The following BRINP3 variants were observed in gnomAD, a reference collection of about 807,000 sequenced individuals.
BRINP3 encodes BMP/retinoic acid inducible neural specific 3.
BRINP3 carries 19 observed loss-of-function variants against 71.0 expected under a neutral mutation model. The ratio of observed to expected loss-of-function variants is 0.27; its 90% CI spans 0.19 to 0.39. BRINP3 has a LOEUF of 0.39. BRINP3 is among the 10% of genes least tolerant of loss of function. The pLI, the probability that BRINP3 is intolerant of heterozygous loss-of-function variation, is 1.00. For missense variants in BRINP3, 959 were observed against 940.8 expected (o/e 1.02, Z -0.25); for synonymous variants, 380 against 337.7 (o/e 1.13, Z -1.37).
intron 2 of BRINP3, among the ~76,000 whole-genome samples, chr1:190,325,652 A>T (rs1481654585): frequency 6.6e-6 from 1 of 152,104 alleles, no homozygotes; most frequent in Admixed American, 6.6e-5. Context: ...GACAATATTA[A>T]AATATTTAGG....
chr1:190,375,024 T>C (rs1340434197), intron 2 of BRINP3, among the ~76,000 whole-genome samples: 3 of 151,982 alleles, frequency 2.0e-5, no homozygotes, highest in African/African-American at 7.2e-5. Context: ...AACTAATTTT[T>C]CAGAAATAGA....
At chr1:190,225,711 G>T (rs1434569548) in intron 6 of BRINP3, among the ~76,000 whole-genome samples, 1 of 151,922 alleles carries the variant, frequency 6.6e-6, no homozygotes, top group Non-Finnish European at 1.5e-5. Context: ...TGTTGAAAAA[G>T]GTATAGAACA....
intron 4 of BRINP3, among the ~76,000 whole-genome samples, chr1:190,243,781 A>G (rs1659332940): frequency 6.6e-6 from 1 of 152,134 alleles, no homozygotes; most frequent in Admixed American, 6.6e-5. Flanking sequence ...ATGATATTTC[A>G]AGGAACTCAG....
intron 7 of BRINP3, among the ~76,000 whole-genome samples, chr1:190,118,051 C>G (rs530231569): frequency 6.6e-6 from 1 of 151,778 alleles, no homozygotes; most frequent in Non-Finnish European, 1.5e-5. Flanking sequence ...TGTTTTTGGG[C>G]AAAGGGTACA....
At chr1:190,473,174 A>G (rs1571408977) in intron 1 of BRINP3, among the ~76,000 whole-genome samples, 1 of 152,090 alleles carries the variant, frequency 6.6e-6, no homozygotes, top group East Asian at 1.9e-4. Flanking sequence ...ACACAAACAT[A>G]TATACACAAT....
At chr1:190,245,061 ACTAG>A (rs1479168563) in intron 4 of BRINP3, among the ~76,000 whole-genome samples, 2 of 152,028 alleles carry the variant, frequency 1.3e-5, no homozygotes, top group African/African-American at 4.8e-5. Flanking sequence ...CTGTGCACAG[ACTAG>A]CTAAAGTTTT....
chr1:190,110,422 C>T (rs1035625377), intron 7 of BRINP3, among the ~76,000 whole-genome samples: 4 of 152,126 alleles, frequency 2.6e-5, no homozygotes, highest in Admixed American at 1.3e-4. Context: ...TTTTAGGCAG[C>T]CCAGATAAAC....
At chr1:190,320,406 A>G (rs1363273737) in intron 2 of BRINP3, among the ~76,000 whole-genome samples, 1 of 152,170 alleles carries the variant, frequency 6.6e-6, no homozygotes, top group African/African-American at 2.4e-5. Flanking sequence ...ACACAGTTCA[A>G]AAGCAAACAA....
At chr1:190,401,397 A>AG (rs71123092) in intron 2 of BRINP3, among the ~76,000 whole-genome samples, 1 of 147,402 alleles carries the variant, frequency 6.8e-6, no homozygotes, top group Non-Finnish European at 1.5e-5. Context: ...AAAAAAAAAA[A>AG]GGAAAAGAAA....
chr1:190,476,482 G>A (rs1263923404), intron 1 of BRINP3, among the ~76,000 whole-genome samples: 1 of 152,076 alleles, frequency 6.6e-6, no homozygotes, highest in East Asian at 1.9e-4. Context: ...TAAAAGTAAA[G>A]ATTAAAATGT....
intron 3 of BRINP3, among the ~76,000 whole-genome samples, chr1:190,274,435 T>G (rs2102909356): frequency 6.6e-6 from 1 of 151,734 alleles, no homozygotes; most frequent in South Asian, 2.1e-4. Context: ...TTGAATATCT[T>G]ACTCTGAATG....
intron 2 of BRINP3, among the ~76,000 whole-genome samples, chr1:190,290,910 C>CGT (rs898766164): frequency 4.7e-5 from 7 of 149,284 alleles, no homozygotes; most frequent in South Asian, 2.1e-4. Flanking sequence ...TGTGTGTGCA[C>CGT]GTGTGTGTGT....
intron 2 of BRINP3, among the ~76,000 whole-genome samples, chr1:190,438,545 T>A (rs1674618384): frequency 2.0e-5 from 3 of 151,896 alleles, no homozygotes; most frequent in Admixed American, 2.0e-4. Context: ...GACTTGTAGC[T>A]TATGCTGACT....
intron 2 of BRINP3, among the ~76,000 whole-genome samples, chr1:190,427,662 C>T (rs946366076): frequency 2.0e-5 from 3 of 151,948 alleles, no homozygotes; most frequent in African/African-American, 7.2e-5. Context: ...CTTAGAGCCT[C>T]AAGAAGGAGT....
chr1:190,413,626 AT>A (rs1672829114), intron 2 of BRINP3, among the ~76,000 whole-genome samples: 1 of 152,128 alleles, frequency 6.6e-6, no homozygotes, highest in African/African-American at 2.4e-5. Flanking sequence ...CAAGGAATGG[AT>A]TGTCTCCTAG....
At chr1:190,385,260 C>A (rs1217892208) in intron 2 of BRINP3, among the ~76,000 whole-genome samples, 1 of 152,060 alleles carries the variant, frequency 6.6e-6, no homozygotes, top group Non-Finnish European at 1.5e-5. Context: ...AGCTTCTGCA[C>A]AGCAAAAGAA....
At chr1:190,314,655 A>G (rs1301364938) in intron 2 of BRINP3, among the ~76,000 whole-genome samples, 1 of 152,162 alleles carries the variant, frequency 6.6e-6, no homozygotes, top group African/African-American at 2.4e-5. Flanking sequence ...CAGCACTGAC[A>G]TATTGATTTT....
At chr1:190,229,738 A>G (rs1286343492) in intron 5 of BRINP3, among the ~76,000 whole-genome samples, 1 of 151,716 alleles carries the variant, frequency 6.6e-6, no homozygotes, top group Non-Finnish European at 1.5e-5. Context: ...TCCAACTGGC[A>G]TATTTCAAAA....
chr1:190,266,351 G>C (rs1374488019), intron 3 of BRINP3, among the ~76,000 whole-genome samples: 7 of 152,118 alleles, frequency 4.6e-5, no homozygotes, highest in African/African-American at 1.7e-4. Flanking sequence ...GTCTACCAGA[G>C]ATCAGTTCAG....
Sources: gnomAD v4.1 joint callset for allele counts (sites outside exome capture counted in the v4.1 genomes callset) on GRCh38, gnomAD v4.1.1 for gene constraint, MANE v1.5 for transcripts, NCBI Gene and HGNC (gene_info 2026-07-23, HGNC 2026-07-21) for gene names.